NAALADL2: variants seen among roughly 807,000 people sequenced by gnomAD.
The protein encoded by NAALADL2 is N-acetylated alpha-linked acidic dipeptidase like 2, also known as inactive N-acetylated-alpha-linked acidic dipeptidase-like protein 2.
Under a neutral mutation model 87.2 loss-of-function variants are expected in NAALADL2, and 76 were observed. The ratio of observed to expected loss-of-function variants is 0.87; its 90% confidence interval spans 0.72 to 1.05. NAALADL2 has a LOEUF of 1.05. Among genes scored for constraint, NAALADL2 ranks in the 50% least tolerant of loss-of-function variants. The pLI is 0.00. For missense variants in NAALADL2, 1,089 were observed against 945.8 expected, an observed-to-expected ratio of 1.15 and a Z score of -1.99; for synonymous variants, 354 against 331.0, an observed-to-expected ratio of 1.07 and a Z score of -0.75.
At chr3:175,504,350 T>TG (rs896689213) in intron 9 of NAALADL2, among the ~76,000 whole-genome samples, 3 of 152,156 alleles carry the variant, frequency 2.0e-5, no homozygotes, top group African/African-American at 7.2e-5. Flanking sequence ...ACATGAATTT[T>TG]GGGGGGCCAG....
chr3:174,773,636 T>C (rs184382100), intron 3 of NAALADL2, among the ~76,000 whole-genome samples: 2 of 152,306 alleles, frequency 1.3e-5, no homozygotes, highest in Admixed American at 6.5e-5. Flanking sequence ...CTATCTCATA[T>C]ATCAAATATT....
At chr3:175,087,311 C>A (rs1278133139) in intron 1 of NAALADL2, among the ~76,000 whole-genome samples, 1 of 152,170 alleles carries the variant, frequency 6.6e-6, no homozygotes, top group African/African-American at 2.4e-5. Context: ...CTGGCAGCTG[C>A]CCCTTCCGGG....
At chr3:175,545,688 T>C (rs1477379682) in intron 9 of NAALADL2, among the ~76,000 whole-genome samples, 1 of 152,184 alleles carries the variant, frequency 6.6e-6, no homozygotes. Flanking sequence ...ACTTATTTTA[T>C]ATTCCAGGGC....
intron 1 of NAALADL2, among the ~76,000 whole-genome samples, chr3:174,897,867 A>G (rs1579421059): frequency 1.4e-5 from 2 of 137,986 alleles, no homozygotes; most frequent in East Asian, 3.9e-4. Context: ...TAATCCCAGC[A>G]CTTTGGGAGG....
At chr3:175,396,676 C>T (rs1221935539) in intron 5 of NAALADL2, among the ~76,000 whole-genome samples, 1 of 152,048 alleles carries the variant, frequency 6.6e-6, no homozygotes, top group Non-Finnish European at 1.5e-5. Context: ...TTGTAGTTCC[C>T]ATAAACCCAC....
chr3:174,534,496 T>C (rs1335401730), intron 1 of NAALADL2, among the ~76,000 whole-genome samples: 1 of 152,218 alleles, frequency 6.6e-6, no homozygotes, highest in African/African-American at 2.4e-5. Flanking sequence ...CCTCACGATG[T>C]TGGCTTTGGC....
chr3:175,455,935 G>T (rs1722257684), intron 6 of NAALADL2, among the ~76,000 whole-genome samples: 1 of 151,910 alleles, frequency 6.6e-6, no homozygotes, highest in Non-Finnish European at 1.5e-5. Context: ...ATATATAATG[G>T]GACAAATATT....
chr3:175,414,422 A>G (rs1425570386), intron 5 of NAALADL2, among the ~76,000 whole-genome samples: 3 of 152,162 alleles, frequency 2.0e-5, no homozygotes, highest in African/African-American at 7.2e-5. Flanking sequence ...TGTTTAATAC[A>G]AATTTGGGCT....
At chr3:175,195,581 T>C (rs978633789) in intron 2 of NAALADL2, among the ~76,000 whole-genome samples, 4 of 151,808 alleles carry the variant, frequency 2.6e-5, no homozygotes, top group Non-Finnish European at 5.9e-5. Context: ...CATATGTGAT[T>C]TGTTAAAGAA....
rs1560811126 is a variant in NAALADL2, at chr3:175,590,214, ATATATATATATATATATATATATATAT to A, written c.1800+14028_1800+14054del. 1.7e-3 allele frequency among the ~76,000 whole-genome samples: 248 copies of A among 146,974 alleles called. 7 individuals carry two copies. Among genetic ancestry groups the A allele is most frequent in the African/African-American group, 6.1e-3 (241 of 39,382 alleles). ...GCGACAGAGCGAGACTCCGTCTAAT[ATATATATATATATATATATATATATAT>A]ATATATATATATATATATATATATA... On this transcript the variant is annotated intron_variant, in intron 10 of 13. Transcript: ENST00000454872.
At chr3:174,645,671 G>A (rs571973949) in intron 2 of NAALADL2, among the ~76,000 whole-genome samples, 18 of 151,996 alleles carry the variant, frequency 1.2e-4, no homozygotes, top group South Asian at 8.3e-4. Context: ...ATCTTGGGTC[G>A]ATTTAAACAT....
At chr3:175,612,046 A>G (rs976325641) in intron 10 of NAALADL2, among the ~76,000 whole-genome samples, 2 of 152,220 alleles carry the variant, frequency 1.3e-5, no homozygotes, top group African/African-American at 4.8e-5. Flanking sequence ...AGCCTTTGAA[A>G]TTAAATCTAT....
chr3:175,703,280 A>G (rs1739229275), intron 11 of NAALADL2, among the ~76,000 whole-genome samples: 1 of 152,206 alleles, frequency 6.6e-6, no homozygotes. Context: ...GAACAAGCAG[A>G]GTAATTATAA....
intron 9 of NAALADL2, among the ~76,000 whole-genome samples, chr3:175,481,902 A>G (rs1466157666): frequency 6.6e-6 from 1 of 151,862 alleles, no homozygotes; most frequent in Non-Finnish European, 1.5e-5. Context: ...GGTAAAAGAA[A>G]TCGGTATTTA....
At chr3:175,406,547 G>A (rs1329873180) in intron 5 of NAALADL2, among the ~76,000 whole-genome samples, 1 of 152,128 alleles carries the variant, frequency 6.6e-6, no homozygotes, top group Non-Finnish European at 1.5e-5. Flanking sequence ...TTTCAGCAAA[G>A]TATGTCAGTG....
intron 2 of NAALADL2, among the ~76,000 whole-genome samples, chr3:174,560,751 T>G (rs1713501168): frequency 6.6e-6 from 1 of 152,170 alleles, no homozygotes; most frequent in Non-Finnish European, 1.5e-5. Context: ...GCAATTTATG[T>G]CCTCTCCCTC....
chr3:175,133,398 C>G (rs900338192), intron 2 of NAALADL2, among the ~76,000 whole-genome samples: 7 of 152,210 alleles, frequency 4.6e-5, no homozygotes, highest in Non-Finnish European at 5.9e-5. Flanking sequence ...TGTAGCGAGC[C>G]GATATCACGC....
chr3:174,708,251 G>A (rs183580268), intron 2 of NAALADL2, among the ~76,000 whole-genome samples: 7 of 152,114 alleles, frequency 4.6e-5, no homozygotes, highest in Non-Finnish European at 1.0e-4. Flanking sequence ...GACAAAATGG[G>A]CATTTAGCTC....
intron 2 of NAALADL2, among the ~76,000 whole-genome samples, chr3:175,182,028 C>T (rs924424859): frequency 5.3e-5 from 8 of 151,816 alleles, no homozygotes; most frequent in East Asian, 3.9e-4. Flanking sequence ...AAATGTACAA[C>T]GGTTCCTTTT....
Sources: gnomAD v4.1 joint callset for allele counts (sites outside exome capture counted in the v4.1 genomes callset) on GRCh38, gnomAD v4.1.1 for gene constraint, MANE v1.5 for transcripts, NCBI Gene and HGNC (gene_info 2026-07-23, HGNC 2026-07-21) for gene names.